Variants in C3orf70 observed in about 807,000 individuals in gnomAD.
C3orf70 encodes UPF0524 protein C3orf70.
C3orf70 carries 15 observed loss-of-function variants against 20.7 expected under a neutral mutation model. That is an observed-to-expected ratio of 0.72 (90% CI 0.48 to 1.11). The LOEUF is 1.11. C3orf70 is among the 50% of genes most tolerant of loss of function. The pLI is 0.00. For missense variants in C3orf70, 332 were observed against 317.6 expected, an observed-to-expected ratio of 1.05 and a Z score of -0.34; for synonymous variants, 161 against 125.7, an observed-to-expected ratio of 1.28 and a Z score of -1.88.
In C3orf70 at chr3:185,082,722, C is replaced by A. The variant is rs1416005362; in HGVS notation, c.*285G>T. 1 of 368,532 alleles carries A rather than the reference C, an allele frequency of 2.7e-6. No individual in the cohort carries two copies. 22.8% of individuals were successfully genotyped at this position (368,532 alleles called of 1,614,324 possible). On this transcript the variant is annotated 3_prime_UTR_variant, in exon 2 of 2. Coordinates refer to ENST00000335012, the MANE Select transcript of C3orf70 (RefSeq NM_001025266.3). ...AGATTCTCTGCGACCATCACTTCAC[C>A]GCCTTCAAATCTCCCAGTGAAATTA...
intron 1 of C3orf70, among the ~76,000 whole-genome samples, chr3:185,118,380 A>C (rs1474014917): frequency 6.6e-6 from 1 of 152,156 alleles, no homozygotes; most frequent in Non-Finnish European, 1.5e-5. Context: ...TTTATACGGC[A>C]TATATACTTG....
chr3:185,133,796 C>T (rs1345723083), intron 1 of C3orf70, among the ~76,000 whole-genome samples: 1 of 151,878 alleles, frequency 6.6e-6, no homozygotes, highest in Non-Finnish European at 1.5e-5. Flanking sequence ...AACAAAGTAG[C>T]ATGCAAGCAT....
chr3:185,139,149 G>C (rs1716693442), intron 1 of C3orf70, among the ~76,000 whole-genome samples: 1 of 151,232 alleles, frequency 6.6e-6, no homozygotes, highest in African/African-American at 2.4e-5. Context: ...GGAGGAAGGA[G>C]GAGGAGGAAG....
At chr3:185,142,211 G>A (rs1223316106) in intron 1 of C3orf70, among the ~76,000 whole-genome samples, 1 of 152,132 alleles carries the variant, frequency 6.6e-6, no homozygotes, top group Non-Finnish European at 1.5e-5. Flanking sequence ...TGTAATCCCT[G>A]CACTTTGGGA....
In C3orf70 at chr3:185,101,067, G is replaced by C. The variant is rs577846670; in HGVS notation, c.197-17504C>G. 5.3e-5 allele frequency among the ~76,000 whole-genome samples: 8 copies of C among 152,042 alleles called. No individual in the cohort carries two copies. In the East Asian group the frequency reaches 1.5e-3, roughly 29 times the overall value. ...TAGCCCACCAATTAAAAAAAGCCCAGGACCAGAGGGATTCACAGGCAAATT... is the reference window on the plus strand; with the variant it reads ...TAGCCCACCAATTAAAAAAAGCCCACGACCAGAGGGATTCACAGGCAAATT... On this transcript the variant is annotated intron_variant, in intron 1 of 1. Transcript: ENST00000335012.
At chr3:185,109,017 T>A (rs1028182286) in intron 1 of C3orf70, among the ~76,000 whole-genome samples, 3 of 152,160 alleles carry the variant, frequency 2.0e-5, no homozygotes, top group Non-Finnish European at 2.9e-5. Flanking sequence ...TTTCTCTATG[T>A]GGAATATTAA....
In C3orf70 at chr3:185,152,996, C is replaced by A; in HGVS notation, c.-173G>T. On this transcript the variant is annotated 5_prime_UTR_variant, in exon 1 of 2. Coordinates refer to ENST00000335012, the MANE Select transcript of C3orf70 (RefSeq NM_001025266.3). ...TCCCAGGCTCGAGGAGGAGCCGCCC[C>A]GGGCGCTGCGACCGGGTCCGGGCTG... is the stretch of plus-strand genomic sequence containing the variant. 2.7e-6 allele frequency: 1 copy of A among 370,934 alleles called. No homozygotes were observed. The highest frequency in any genetic ancestry group is 4.3e-6 in the Non-Finnish European group (1 of 231,972). The allele number at this position is 370,934 out of a possible 1,614,324, so 23.0% of individuals were successfully genotyped here.
chr3:185,094,581 T>C (rs1715662773), intron 1 of C3orf70, among the ~76,000 whole-genome samples: 1 of 151,962 alleles, frequency 6.6e-6, no homozygotes, highest in African/African-American at 2.4e-5. Flanking sequence ...GATGGAGCCC[T>C]TGAACCTACA....
At chr3:185,091,939 ATATATATATATATATATATATATATTTTT>A (rs1474283635) in intron 1 of C3orf70, among the ~76,000 whole-genome samples, 406 of 5,874 alleles carry the variant, frequency 0.069, 36 homozygotes, top group Admixed American at 0.12. Flanking sequence ...ATATATATAT[ATATATATATATATATATATATATATTTTT>A]TTTTTTTTTT....
rs750491088 is a variant in C3orf70 at position 185,083,398 on chromosome 3, G to A, written c.362C>T (p.Pro121Leu). 5.0e-6 allele frequency: 8 copies of A among 1,613,990 alleles called. No individual in the cohort carries two copies. The highest frequency in any genetic ancestry group is 2.2e-5 in the South Asian group (2 of 91,076). The change falls in exon 2 of 2, where the codon CCG becomes CTG. Residue 121 changes from proline to leucine, a missense_variant. Physicochemically the swap from Pro to Leu is moderately conservative, Grantham distance 98. Transcript: ENST00000335012. ...AAGGTCTGAAATCATACAGTACCTC[G>A]GTGAGTCAGGGGGAAGGGGAGGCTG... ...VFQPPLPPDS[P>L]RYCMISDLFI...
intron 1 of C3orf70, among the ~76,000 whole-genome samples, chr3:185,101,143 A>C (rs1231211220): frequency 6.6e-6 from 1 of 152,226 alleles, no homozygotes; most frequent in East Asian, 1.9e-4. Flanking sequence ...AAACTATTCC[A>C]ATAAATTAAG....
chr3:185,132,994 T>C (rs1716553086), intron 1 of C3orf70, among the ~76,000 whole-genome samples: 2 of 152,338 alleles, frequency 1.3e-5, no homozygotes, highest in Non-Finnish European at 2.9e-5. Flanking sequence ...GGTGGTATGA[T>C]CTTCAATATA....
At chr3:185,110,126 T>G (rs1019669855) in intron 1 of C3orf70, among the ~76,000 whole-genome samples, 6 of 152,232 alleles carry the variant, frequency 3.9e-5, no homozygotes, top group Admixed American at 1.3e-4. Flanking sequence ...TCATATGATA[T>G]GGCCCGCTGT....
chr3:185,139,855 C>G (rs893201923), intron 1 of C3orf70, among the ~76,000 whole-genome samples: 1 of 151,950 alleles, frequency 6.6e-6, no homozygotes, highest in Non-Finnish European at 1.5e-5. Context: ...AAATACGAAA[C>G]TTAAAACTAT....
At chr3:185,109,032 A>G (rs1481348620) in intron 1 of C3orf70, among the ~76,000 whole-genome samples, 1 of 152,246 alleles carries the variant, frequency 6.6e-6, no homozygotes, top group African/African-American at 2.4e-5. Flanking sequence ...TATTAAACAC[A>G]TTACTGGCAT....
intron 1 of C3orf70, among the ~76,000 whole-genome samples, chr3:185,114,335 C>G (rs1468098393): frequency 2.0e-5 from 3 of 152,098 alleles, no homozygotes; most frequent in Non-Finnish European, 4.4e-5. Flanking sequence ...AGTAATTATT[C>G]AGATATGTGA....
Position 185,105,920 on chromosome 3 carries a change from TGAG to T in C3orf70, c.197-22360_197-22358del, listed in dbSNP as rs369000286. ...CCTTGGAACTTTTTCACACTGATGATGAGGAGGAAGGAGAGTATAGCAAAGTAA... is the reference window on the plus strand; with the variant it reads ...CCTTGGAACTTTTTCACACTGATGATGAGGAAGGAGAGTATAGCAAAGTAA... On this transcript the variant is annotated intron_variant, in intron 1 of 1. Transcript: ENST00000335012. Among the ~76,000 whole-genome samples, 502 of 152,276 alleles carry T rather than the reference TGAG, an allele frequency of 3.3e-3. 1 individual carries two copies. Among genetic ancestry groups the T allele is most frequent in the Middle Eastern group, 0.014 (4 of 294 alleles).
chr3:185,136,383 T>C (rs1293898908), intron 1 of C3orf70, among the ~76,000 whole-genome samples: 2 of 151,314 alleles, frequency 1.3e-5, no homozygotes, highest in East Asian at 2.0e-4. Context: ...AGGTCAGGAG[T>C]TGGAGACCAG....
chr3:185,148,830 T>G (rs2108608518), intron 1 of C3orf70, among the ~76,000 whole-genome samples: 1 of 152,348 alleles, frequency 6.6e-6, no homozygotes, highest in Non-Finnish European at 1.5e-5. Context: ...ACACATTTCC[T>G]TTAATAATGC....
Sources: allele counts gnomAD v4.1 joint callset (sites outside exome capture counted in the v4.1 genomes callset), GRCh38; gene constraint gnomAD v4.1.1; transcripts MANE v1.5; gene names NCBI Gene and HGNC (gene_info 2026-07-23, HGNC 2026-07-21).